The following ZFAND3 variants were observed in gnomAD, a reference collection of about 807,000 sequenced individuals.
ZFAND3 encodes the protein AN1-type zinc finger protein 3.
Under a neutral mutation model 29.6 loss-of-function variants are expected in ZFAND3, and 10 were observed. That is an observed-to-expected ratio of 0.34 (90% CI 0.21 to 0.57). ZFAND3 has a LOEUF of 0.57. ZFAND3 is among the 20% of genes least tolerant of loss of function. The pLI is 0.86. For missense variants in ZFAND3, 230 were observed against 304.5 expected, an observed-to-expected ratio of 0.76 and a Z score of 1.82; for synonymous variants, 128 against 112.6, an observed-to-expected ratio of 1.14 and a Z score of -0.87.
chr6:38,076,772 A>T (rs901795554), intron 3 of ZFAND3, among the ~76,000 whole-genome samples: 7 of 152,216 alleles, frequency 4.6e-5, no homozygotes, highest in Admixed American at 3.9e-4. Context: ...GGGCTTTTCA[A>T]ACTCAATTAT....
intron 2 of ZFAND3, among the ~76,000 whole-genome samples, chr6:38,038,890 A>G (rs1000539578): frequency 4.6e-5 from 7 of 152,236 alleles, no homozygotes; most frequent in Non-Finnish European, 5.9e-5. Flanking sequence ...GTTGGATCCC[A>G]TCCTGAAACC....
intron 4 of ZFAND3, among the ~76,000 whole-genome samples, chr6:38,113,915 T>C (rs938848481): frequency 5.3e-5 from 8 of 152,218 alleles, no homozygotes; most frequent in Admixed American, 3.3e-4. Context: ...GATAGATTCA[T>C]GTAGAAAGAG....
chr6:37,849,127 A>G (rs190497687), intron 1 of ZFAND3, among the ~76,000 whole-genome samples: 27 of 152,312 alleles, frequency 1.8e-4, no homozygotes, highest in Admixed American at 7.2e-4. Context: ...TTTGGATTCT[A>G]TATTCCTGCT....
At chr6:38,048,393 G>A (rs566269195) in intron 2 of ZFAND3, among the ~76,000 whole-genome samples, 1 of 151,632 alleles carries the variant, frequency 6.6e-6, no homozygotes. Context: ...AGGCCGAGCC[G>A]GGCAGATCAC....
intron 5 of ZFAND3, among the ~76,000 whole-genome samples, chr6:38,126,794 A>G (rs192472670): frequency 2.6e-5 from 4 of 151,312 alleles, no homozygotes; most frequent in African/African-American, 9.7e-5. Context: ...TCAATATGAT[A>G]TGTCTCTCTA....
intron 1 of ZFAND3, among the ~76,000 whole-genome samples, chr6:37,889,949 G>A (rs77177231): frequency 1.2e-3 from 189 of 152,264 alleles, no homozygotes; most frequent in Non-Finnish European, 2.5e-3. Context: ...ATGTTAAGAC[G>A]TGTTCCATCC....
intron 2 of ZFAND3, among the ~76,000 whole-genome samples, chr6:37,976,410 T>C (rs928847202): frequency 2.0e-5 from 3 of 151,822 alleles, no homozygotes; most frequent in Admixed American, 6.6e-5. Context: ...GGTGAAACCC[T>C]GTCTCTACCA....
intron 1 of ZFAND3, among the ~76,000 whole-genome samples, chr6:37,856,841 G>A (rs1197410308): frequency 6.6e-6 from 1 of 151,924 alleles, no homozygotes; most frequent in Non-Finnish European, 1.5e-5. Context: ...TTTTGAGAGT[G>A]AAAGTTTATT....
chr6:37,925,577 G>A (rs1309848900), intron 1 of ZFAND3, among the ~76,000 whole-genome samples: 9 of 151,928 alleles, frequency 5.9e-5, no homozygotes, highest in African/African-American at 9.7e-5. Context: ...GGTGGCGGGC[G>A]CCTGTAATCC....
chr6:37,936,905 C>T (rs944463374), intron 2 of ZFAND3, among the ~76,000 whole-genome samples: 10 of 152,182 alleles, frequency 6.6e-5, no homozygotes, highest in Admixed American at 5.2e-4. Flanking sequence ...CAATGCTGGG[C>T]GCAGGGTGAA....
intron 5 of ZFAND3, among the ~76,000 whole-genome samples, chr6:38,122,145 C>G (rs947826608): frequency 1.9e-4 from 29 of 152,126 alleles, no homozygotes; most frequent in African/African-American, 4.3e-4. Context: ...ACAGTTGTCC[C>G]CTGGTATCTG....
At chr6:37,863,849 C>T (rs1764538186) in intron 1 of ZFAND3, among the ~76,000 whole-genome samples, 1 of 152,122 alleles carries the variant, frequency 6.6e-6, no homozygotes, top group Admixed American at 6.6e-5. Flanking sequence ...ACGCTAAGCT[C>T]CATGAGGGCA....
At chr6:38,010,274 C>G (rs866241306) in intron 2 of ZFAND3, among the ~76,000 whole-genome samples, 1 of 151,800 alleles carries the variant, frequency 6.6e-6, no homozygotes. Context: ...GGGAAGAGTA[C>G]GCAGAAAAAA....
intron 2 of ZFAND3, among the ~76,000 whole-genome samples, chr6:37,941,308 G>A (rs2842510): frequency 0.78 from 119,420 of 152,132 alleles, 47,696 homozygotes; most frequent in Non-Finnish European, 0.85. Context: ...GTACTGTGAG[G>A]ATGTAACAGT....
intron 5 of ZFAND3, among the ~76,000 whole-genome samples, chr6:38,135,932 ATTTCCT>A (rs776437219): frequency 6.6e-6 from 1 of 152,142 alleles, no homozygotes; most frequent in Non-Finnish European, 1.5e-5. Flanking sequence ...ATAGCTGTGG[ATTTCCT>A]TTTCCTTTTC....
At chr6:37,901,826 C>G (rs146527246) in intron 1 of ZFAND3, among the ~76,000 whole-genome samples, 1 of 152,286 alleles carries the variant, frequency 6.6e-6, no homozygotes, top group Non-Finnish European at 1.5e-5. Context: ...GTTTCTCTCA[C>G]AAAAGCTGAA....
intron 1 of ZFAND3, among the ~76,000 whole-genome samples, chr6:37,917,782 C>T (rs563975313): frequency 1.2e-3 from 179 of 152,160 alleles, no homozygotes; most frequent in Non-Finnish European, 2.2e-3. Context: ...TATCTAGTTT[C>T]GTCGTAGGTG....
chr6:38,028,631 G>T (rs1472559777), intron 2 of ZFAND3, among the ~76,000 whole-genome samples: 1 of 151,902 alleles, frequency 6.6e-6, no homozygotes, highest in Non-Finnish European at 1.5e-5. Flanking sequence ...CTGACCTAGG[G>T]TACTATTGTA....
chr6:38,089,572 A>G (rs1764824313), intron 4 of ZFAND3, among the ~76,000 whole-genome samples: 6 of 152,228 alleles, frequency 3.9e-5, no homozygotes, highest in Admixed American at 3.9e-4. Context: ...TTAAAGGGAA[A>G]TGTTTCCTTG....
Sources: gnomAD v4.1 joint callset for allele counts (sites outside exome capture counted in the v4.1 genomes callset) on GRCh38, gnomAD v4.1.1 for gene constraint, MANE v1.5 for transcripts, NCBI Gene and HGNC (gene_info 2026-07-23, HGNC 2026-07-21) for gene names.